The following KLHL14 variants were observed in gnomAD, a reference collection of about 807,000 sequenced individuals.
KLHL14 encodes the protein kelch like family member 14, also known as kelch-like protein 14.
In KLHL14, 22 loss-of-function variants were observed where a neutral mutation model predicts 64.3. The observed-to-expected ratio is 0.34, with a 90% confidence interval of 0.24 to 0.49. KLHL14 has a LOEUF of 0.49. Among genes scored for constraint, KLHL14 ranks in the 20% least tolerant of loss-of-function variants. KLHL14 has a pLI of 0.99. For synonymous variants in KLHL14, 322 were observed against 333.4 expected, an observed-to-expected ratio of 0.97 and a Z score of 0.37; for missense variants, 661 against 789.0, an observed-to-expected ratio of 0.84 and a Z score of 1.94.
intron 2 of KLHL14, among the ~76,000 whole-genome samples, chr18:32,746,047 T>C (rs756335508): frequency 1.5e-5 from 2 of 134,870 alleles, no homozygotes; most frequent in Admixed American, 7.4e-5. Context: ...CAACATAGTA[T>C]ACTTTTTAGA....
chr18:32,691,563 A>G (rs1173173212), intron 4 of KLHL14, among the ~76,000 whole-genome samples: 2 of 152,144 alleles, frequency 1.3e-5, no homozygotes, highest in Admixed American at 1.3e-4. Context: ...AGATGCAAAA[A>G]TAGGTCAAGA....
intron 3 of KLHL14, among the ~76,000 whole-genome samples, chr18:32,696,653 G>A (rs1278834759): frequency 6.6e-6 from 1 of 151,922 alleles, no homozygotes; most frequent in Non-Finnish European, 1.5e-5. Context: ...TATGAGTCAG[G>A]GCCAACTCTT....
At chr18:32,717,095 T>C (rs1201602913) in intron 3 of KLHL14, among the ~76,000 whole-genome samples, 2 of 152,212 alleles carry the variant, frequency 1.3e-5, no homozygotes, top group Admixed American at 6.5e-5. Context: ...AACCTGGTTG[T>C]ACCATAATAA....
At chr18:32,722,222 C>T (rs7230048) in intron 3 of KLHL14, among the ~76,000 whole-genome samples, 56,938 of 152,104 alleles carry the variant, frequency 0.37, 12,811 homozygotes, top group African/African-American at 0.64. Flanking sequence ...AGATATGTCT[C>T]TATTAGCAGG....
chr18:32,680,452 C>T lies in KLHL14; in HGVS notation c.1386G>A (p.Ala462=), dbSNP rs145852832. The change falls in exon 6 of 9, where the codon GCG becomes GCA. Residue 462 remains alanine, a synonymous_variant. Transcript: ENST00000359358. This position sits in a 1 kb window ranked among gnomAD's most constrained non-coding sequence, Gnocchi z 4.8. ...RYVSSLPQPL[A]AHAGAVHNGK... is the part of the protein sequence containing the mutation. ...CATTGTGCACTGCTCCCGCATGAGC[C>T]GCCAGAGGCTGTGGCAAAGAGGACA... 3.5e-5 allele frequency: 56 copies of T among 1,613,974 alleles called. No individual in the cohort carries two copies. The East Asian group carries it at 7.8e-4, about 22-fold the overall frequency.
At chr18:32,729,739 TC>T (rs1481211336) in intron 3 of KLHL14, among the ~76,000 whole-genome samples, 2 of 152,226 alleles carry the variant, frequency 1.3e-5, no homozygotes, top group Non-Finnish European at 2.9e-5. Context: ...ATATGATTCA[TC>T]TTGACTTGAT....
chr18:32,765,220 A>G (rs756690792), intron 2 of KLHL14, among the ~76,000 whole-genome samples: 4 of 152,248 alleles, frequency 2.6e-5, no homozygotes, highest in Non-Finnish European at 5.9e-5. Context: ...GTTACGCAGT[A>G]GCAGTTGTAA....
Position 32,769,729 on chromosome 18 carries a change from G to C in KLHL14, c.863C>G (p.Pro288Arg). 6.3e-7 allele frequency: 1 copy of C among 1,595,056 alleles called. No homozygotes were observed. Among genetic ancestry groups the C allele is most frequent in the Non-Finnish European group, 8.6e-7 (1 of 1,168,602 alleles). ...VQSVDFMRTD[P>R]VCQKLLLDAM... is the part of the protein sequence containing the mutation. ...GTCCAGCAGCAGCTTCTGGCAGACC[G>C]GGTCGGTTCGCATGAAATCCACTGA... Residue 288 changes from proline (P) to arginine (R), a missense_variant, in exon 2 of 9, where the codon CCG becomes CGG. By Grantham distance (103) the Pro-to-Arg change is moderately radical. This residue lies in a region of KLHL14 where 330 missense variants were observed against 450.0 expected (regional missense o/e 0.73). Coordinates refer to ENST00000359358, the MANE Select transcript of KLHL14 (RefSeq NM_020805.3).
chr18:32,727,259 G>A (rs1568075787), intron 3 of KLHL14, among the ~76,000 whole-genome samples: 1 of 152,184 alleles, frequency 6.6e-6, no homozygotes. Context: ...AGGTTACTCT[G>A]CCTAGCAAAA....
intron 3 of KLHL14, among the ~76,000 whole-genome samples, chr18:32,715,162 A>G (rs1053007557): frequency 1.3e-5 from 2 of 152,136 alleles, no homozygotes; most frequent in African/African-American, 4.8e-5. Flanking sequence ...AGATTTTTCA[A>G]TATCTTGAAA....
intron 3 of KLHL14, among the ~76,000 whole-genome samples, chr18:32,713,568 A>G (rs1223474480): frequency 6.6e-6 from 1 of 152,208 alleles, no homozygotes; most frequent in Non-Finnish European, 1.5e-5. Context: ...AGCCTGGGCA[A>G]CATAGGGAGA....
intron 2 of KLHL14, among the ~76,000 whole-genome samples, chr18:32,749,478 G>A (rs973528220): frequency 2.0e-4 from 30 of 152,226 alleles, no homozygotes; most frequent in African/African-American, 7.2e-4. Flanking sequence ...AAGTCATTTA[G>A]GTGTAATAGC....
At chr18:32,742,138 C>A in intron 2 of KLHL14, 89 bp from the exon 3 acceptor site, 1 of 1,407,692 alleles carries the variant, frequency 7.1e-7, no homozygotes, top group African/African-American at 1.5e-5. Context: ...AAAGAATGTT[C>A]CTTGCTTGCA....
chr18:32,678,690 C>A (rs2049823235), intron 7 of KLHL14, among the ~76,000 whole-genome samples: 1 of 152,088 alleles, frequency 6.6e-6, no homozygotes, highest in Non-Finnish European at 1.5e-5. Context: ...GATAATTATC[C>A]TTCCTTTACA....
At chr18:32,711,820 C>T (rs1172306322) in intron 3 of KLHL14, among the ~76,000 whole-genome samples, 1 of 152,142 alleles carries the variant, frequency 6.6e-6, no homozygotes, top group African/African-American at 2.4e-5. Context: ...ACTCTCTTGC[C>T]TCTTGCTTTA....
rs570833599 is a variant in KLHL14 at position 32,693,889 on chromosome 18, A to G, written c.1159+1574T>C. On this transcript the variant is annotated intron_variant, in intron 4 of 8. Transcript: ENST00000359358. ...CTAGAGGAAGGAATATGTCCTTTCAACTCTCCCGTGTTCCCCCCACCCAAT... is the reference window on the plus strand; with the variant it reads ...CTAGAGGAAGGAATATGTCCTTTCAGCTCTCCCGTGTTCCCCCCACCCAAT... 3.5e-4 allele frequency among the ~76,000 whole-genome samples: 54 copies of G among 152,166 alleles called. 2 individuals carry two copies. The South Asian group carries it at 0.011, about 31-fold the overall frequency.
intron 3 of KLHL14, among the ~76,000 whole-genome samples, chr18:32,725,081 C>T (rs1256014103): frequency 2.0e-5 from 3 of 151,452 alleles, no homozygotes; most frequent in Non-Finnish European, 2.9e-5. Context: ...CTGGCACAAT[C>T]AGAGATCAGA....
intron 2 of KLHL14, among the ~76,000 whole-genome samples, chr18:32,762,516 C>G (rs1523578): frequency 6.6e-6 from 1 of 151,830 alleles, no homozygotes; most frequent in African/African-American, 2.4e-5. Context: ...TCTCTTTTTA[C>G]GGTAGGCATT....
chr18:32,730,906 G>C (rs1349584678), intron 3 of KLHL14, among the ~76,000 whole-genome samples: 1 of 152,136 alleles, frequency 6.6e-6, no homozygotes, highest in Non-Finnish European at 1.5e-5. Context: ...ATTAGAACAC[G>C]CTGTGAGAAG....
Sources: allele counts gnomAD v4.1 joint callset (sites outside exome capture counted in the v4.1 genomes callset), GRCh38; gene constraint gnomAD v4.1.1; regional missense constraint gnomAD v4.1.1; non-coding constraint Gnocchi (gnomAD v3.1); transcripts MANE v1.5; gene names NCBI Gene and HGNC (gene_info 2026-07-23, HGNC 2026-07-21).